Variants in TNS3 observed in about 807,000 individuals in gnomAD.
The protein encoded by TNS3 is tensin-3.
Under a neutral mutation model 140.9 loss-of-function variants are expected in TNS3, and 45 were observed. The observed-to-expected ratio is 0.32, with a 90% confidence interval of 0.25 to 0.41. The LOEUF is 0.41. Among genes scored for constraint, TNS3 ranks in the 10% least tolerant of loss-of-function variants. The pLI is 1.00. For missense variants in TNS3, 1,716 were observed against 1,906.7 expected, an observed-to-expected ratio of 0.90 and a Z score of 1.86; for synonymous variants, 815 against 788.4, an observed-to-expected ratio of 1.03 and a Z score of -0.56.
chr7:47,295,105 C>CAG (rs1785932337), intron 24 of TNS3, among the ~76,000 whole-genome samples: 1 of 152,178 alleles, frequency 6.6e-6, no homozygotes, highest in Non-Finnish European at 1.5e-5. Flanking sequence ...GAAGACACAG[C>CAG]AGTCAGATAA....
At chr7:47,574,052 C>T (rs1800617356) in intron 1 of TNS3, among the ~76,000 whole-genome samples, 1 of 152,180 alleles carries the variant, frequency 6.6e-6, no homozygotes, top group South Asian at 2.1e-4. Flanking sequence ...CAGAGCCAAA[C>T]CAGAGCGAGC....
intron 4 of TNS3, among the ~76,000 whole-genome samples, chr7:47,444,709 AT>A (rs1475412859): frequency 1.4e-5 from 2 of 147,534 alleles, no homozygotes; most frequent in Non-Finnish European, 3.0e-5. Context: ...TAGTCTCTGA[AT>A]CCAATTCAGC....
chr7:47,284,126 G>A (rs997462747), intron 27 of TNS3, among the ~76,000 whole-genome samples: 4 of 152,346 alleles, frequency 2.6e-5, no homozygotes, highest in Middle Eastern at 6.8e-3. Context: ...GCCTGGTGTG[G>A]CTTTGCCTTC....
Position 47,368,373 on chromosome 7 carries a change from C to A in TNS3, c.2273G>T (p.Gly758Val). 1 of 1,486,684 alleles carries A rather than the reference C, an allele frequency of 6.7e-7. No individual in the cohort carries two copies. The highest frequency in any genetic ancestry group is 8.9e-7 in the Non-Finnish European group (1 of 1,118,098). 92.1% of individuals were successfully genotyped at this position (1,486,684 alleles called of 1,614,324 possible). The change falls in exon 17 of 31, where the codon GGG (glycine) becomes GTG (valine). Residue 758 changes from glycine to valine, a missense_variant. This residue lies in a region of TNS3 where 1,163 missense variants were observed against 1,182.1 expected (regional missense o/e 0.98). Coordinates refer to ENST00000311160, the MANE Select transcript of TNS3 (RefSeq NM_022748.12). ...DTGEGPSRAT[G>V]RQGSSAEQPL... ...ATGGAGACCCAGCTCACCTTGCCGC[C>A]CGGTGGCCCTGCTGGGGCCCTCTCC...
intron 20 of TNS3, among the ~76,000 whole-genome samples, chr7:47,317,639 TA>T (rs545543369): frequency 6.6e-6 from 1 of 152,122 alleles, no homozygotes; most frequent in African/African-American, 2.4e-5. Context: ...ATGAGAGTTG[TA>T]AAAAAATGTG....
At chr7:47,564,650 C>CAAA (rs397961987) in intron 1 of TNS3, among the ~76,000 whole-genome samples, 1,416 of 98,978 alleles carry the variant, frequency 0.014, 41 homozygotes, top group Non-Finnish European at 0.021. Context: ...AAAAAAAAAA[C>CAAA]AAAAAAAAAC....
intron 1 of TNS3, among the ~76,000 whole-genome samples, chr7:47,529,873 G>C (rs1482017596): frequency 6.6e-6 from 1 of 152,208 alleles, no homozygotes; most frequent in Non-Finnish European, 1.5e-5. Context: ...TATTCTATCA[G>C]TACTTAATAT....
At chr7:47,519,031 C>T (rs1255057571) in intron 2 of TNS3, among the ~76,000 whole-genome samples, 1 of 152,222 alleles carries the variant, frequency 6.6e-6, no homozygotes, top group Non-Finnish European at 1.5e-5. Context: ...CCTTGACTCA[C>T]ATGTTCCTCC....
intron 1 of TNS3, among the ~76,000 whole-genome samples, chr7:47,537,596 C>G (rs1799649961): frequency 6.6e-6 from 1 of 152,136 alleles, no homozygotes; most frequent in Admixed American, 6.5e-5. Flanking sequence ...TTTCAAACCT[C>G]TCCGAGAACG....
At chr7:47,547,998 G>A (rs899759161) in intron 1 of TNS3, among the ~76,000 whole-genome samples, 2 of 152,150 alleles carry the variant, frequency 1.3e-5, no homozygotes, top group Admixed American at 6.5e-5. Context: ...CCTCCCAGGT[G>A]CAGACGTTTC....
At chr7:47,530,981 G>A (rs1799384921) in intron 1 of TNS3, among the ~76,000 whole-genome samples, 1 of 151,232 alleles carries the variant, frequency 6.6e-6, no homozygotes, top group African/African-American at 2.4e-5. Context: ...ATTACATGCA[G>A]GGAACCAACC....
chr7:47,308,187 C>T (rs1207989075), intron 20 of TNS3, among the ~76,000 whole-genome samples: 1 of 152,200 alleles, frequency 6.6e-6, no homozygotes, highest in East Asian at 1.9e-4. Context: ...AATGGTACCA[C>T]TACCATTTGT....
chr7:47,556,856 C>T, intron 1 of TNS3, among the ~76,000 whole-genome samples: 1 of 152,214 alleles, frequency 6.6e-6, no homozygotes, highest in East Asian at 1.9e-4. Context: ...GTACAGTGAG[C>T]ATGGCATGCA....
At chr7:47,292,216 A>G (rs1283553932) in intron 26 of TNS3, among the ~76,000 whole-genome samples, 184 bp from the exon 27 acceptor site, 2 of 152,204 alleles carry the variant, frequency 1.3e-5, no homozygotes, top group African/African-American at 2.4e-5. Context: ...TTCTGAATAA[A>G]AGTAGAGATG....
At chr7:47,554,332 T>C (rs1800139846) in intron 1 of TNS3, among the ~76,000 whole-genome samples, 2 of 150,422 alleles carry the variant, frequency 1.3e-5, no homozygotes, top group South Asian at 2.1e-4. Flanking sequence ...ACAGGAGAAT[T>C]ACTTGAACCC....
At chr7:47,498,173 G>A (rs1798082592) in intron 3 of TNS3, among the ~76,000 whole-genome samples, 1 of 152,240 alleles carries the variant, frequency 6.6e-6, no homozygotes, top group Non-Finnish European at 1.5e-5. Context: ...GGGTTCAGAA[G>A]AAGATTTCCA....
At chr7:47,353,642 T>C (rs558116730) in intron 17 of TNS3, among the ~76,000 whole-genome samples, 33 of 152,352 alleles carry the variant, frequency 2.2e-4, no homozygotes, top group African/African-American at 7.9e-4. Context: ...ATTTAATTGT[T>C]TGAGTCCATC....
chr7:47,468,269 C>T (rs555548209), intron 4 of TNS3, among the ~76,000 whole-genome samples: 1 of 152,038 alleles, frequency 6.6e-6, no homozygotes, highest in Non-Finnish European at 1.5e-5. Flanking sequence ...GATGAAACCC[C>T]GTCTCTAGTA....
chr7:47,518,745 T>C (rs1798866185), intron 2 of TNS3, among the ~76,000 whole-genome samples: 1 of 152,236 alleles, frequency 6.6e-6, no homozygotes, highest in African/African-American at 2.4e-5. Flanking sequence ...TGGGCATGGT[T>C]CACGTGCTCA....
Sources: gnomAD v4.1 joint callset for allele counts (sites outside exome capture counted in the v4.1 genomes callset) on GRCh38, gnomAD v4.1.1 for gene constraint, gnomAD v4.1.1 regional missense constraint, MANE v1.5 for transcripts, NCBI Gene and HGNC (gene_info 2026-07-23, HGNC 2026-07-21) for gene names.